GNB4: variants seen among roughly 807,000 people sequenced by gnomAD.
GNB4 encodes guanine nucleotide-binding protein subunit beta-4.
GNB4 carries 28 observed loss-of-function variants against 45.2 expected under a neutral mutation model. The ratio of observed to expected loss-of-function variants is 0.62; its 90% CI spans 0.46 to 0.85. The LOEUF (loss-of-function observed/expected upper bound fraction) is 0.85. GNB4 is among the 40% of genes least tolerant of loss of function. The pLI is 0.00. For missense variants in GNB4, 321 were observed against 425.4 expected (o/e 0.75, Z 2.16); for synonymous variants, 132 against 143.7 (o/e 0.92, Z 0.58).
chr3:179,419,435 G>C lies in GNB4; in HGVS notation c.167C>G (p.Ala56Gly), dbSNP rs1307106150. 2.5e-6 allele frequency: 4 copies of C among 1,612,288 alleles called. No homozygotes were observed. The highest frequency in any genetic ancestry group is 1.3e-5 in the African/African-American group (1 of 74,880). The change falls in exon 4 of 10, where the codon GCT (alanine) becomes GGT (glycine). Residue 56 changes from alanine to glycine, a missense_variant. Coordinates refer to ENST00000232564, the MANE Select transcript of GNB4 (RefSeq NM_021629.4). Reference protein sequence around the residue: ...RTRRTLRGHLAKIYAMHWGYD... With the variant: ...RTRRTLRGHLGKIYAMHWGYD... ...TCCCCAATGCATAGCATAGATTTTAGCTAGGTGGCCCCTCAGTGTACGTCT... is the reference window on the plus strand; with the variant it reads ...TCCCCAATGCATAGCATAGATTTTACCTAGGTGGCCCCTCAGTGTACGTCT...
intron 8 of GNB4, among the ~76,000 whole-genome samples, chr3:179,406,855 T>C (rs1714486151): frequency 6.6e-6 from 1 of 152,140 alleles, no homozygotes; most frequent in Non-Finnish European, 1.5e-5. Context: ...CCTCAAGTGA[T>C]CTGCCTGCCT....
chr3:179,420,538 C>T (rs1473625311), intron 3 of GNB4, among the ~76,000 whole-genome samples: 2 of 151,512 alleles, frequency 1.3e-5, no homozygotes, highest in East Asian at 3.9e-4. Context: ...TCTCAGCTCA[C>T]TGCAACCTCT....
chr3:179,414,025 C>G (rs1279289558), intron 6 of GNB4, among the ~76,000 whole-genome samples: 1 of 151,864 alleles, frequency 6.6e-6, no homozygotes, highest in African/African-American at 2.4e-5. Flanking sequence ...TGAAAGTTAC[C>G]AAATTGAATA....
rs1427654963 is a variant in GNB4, at chr3:179,415,008, A to C, written c.307T>G (p.Cys103Gly). The change falls in exon 6 of 10, where the codon TGT (cysteine) becomes GGT (glycine). Residue 103 changes from cysteine to glycine, a missense_variant. Coordinates refer to ENST00000232564, the MANE Select transcript of GNB4 (RefSeq NM_021629.4). ...TAATTACCAGAGGGAGCATAAGCACAGGTCATCACCCAGGAGGACCTCAAA... is the reference window on the plus strand; with the variant it reads ...TAATTACCAGAGGGAGCATAAGCACCGGTCATCACCCAGGAGGACCTCAAA... ...IPLRSSWVMT[C>G]AYAPSGNYVA... 1 of 1,609,874 alleles carries C rather than the reference A, an allele frequency of 6.2e-7. No individual in the cohort carries two copies. Among genetic ancestry groups the C allele is most frequent in the East Asian group, 2.2e-5 (1 of 44,862 alleles).
At chr3:179,475,887 C>T in the GNB4 span, among the ~76,000 whole-genome samples, 1 of 152,124 alleles carries the variant, frequency 6.6e-6, no homozygotes, top group Non-Finnish European at 1.5e-5. Context: ...GTTACTTGTC[C>T]CACCTCTTAA....
At chr3:179,519,251 G>C in the GNB4 span, among the ~76,000 whole-genome samples, 1 of 152,184 alleles carries the variant, frequency 6.6e-6, no homozygotes, top group Non-Finnish European at 1.5e-5. Context: ...CAACTCACCC[G>C]GTAGCCACTT....
At chr3:179,520,407 A>G in the GNB4 span, among the ~76,000 whole-genome samples, 2 of 151,224 alleles carry the variant, frequency 1.3e-5, no homozygotes, top group African/African-American at 2.4e-5. Context: ...TGGTTAGTGC[A>G]GTCAGAATTC....
At chr3:179,522,295 C>T in the GNB4 span, among the ~76,000 whole-genome samples, 2 of 152,130 alleles carry the variant, frequency 1.3e-5, no homozygotes, top group African/African-American at 2.4e-5. Flanking sequence ...CCGCCCCTGC[C>T]CACCAGAGAA....
intron 9 of GNB4, 77 bp downstream of exon 9, chr3:179,405,113 G>C (rs1395745010): frequency 2.0e-6 from 2 of 998,948 alleles, no homozygotes; most frequent in Non-Finnish European, 3.0e-6. Context: ...GATGTCCATG[G>C]AGGCCTAGAA....
chr3:179,503,201 A>G, the GNB4 span, among the ~76,000 whole-genome samples: 243 of 152,380 alleles, frequency 1.6e-3, 1 homozygote, highest in Non-Finnish European at 2.9e-3. Context: ...ACCCATAAAT[A>G]TTGAACAAAG....
the GNB4 span, among the ~76,000 whole-genome samples, chr3:179,470,185 A>T: frequency 1.3e-5 from 2 of 152,240 alleles, no homozygotes; most frequent in Non-Finnish European, 2.9e-5. Context: ...TTGCTACACT[A>T]TACTTTTTAT....
At chr3:179,509,312 A>G in the GNB4 span, among the ~76,000 whole-genome samples, 2 of 152,102 alleles carry the variant, frequency 1.3e-5, no homozygotes, top group African/African-American at 4.8e-5. Flanking sequence ...TTTAACCCAA[A>G]GAGATTAATT....
Position 179,406,900 on chromosome 3 carries a change from CCACAGCG to C in GNB4, c.700-1501_700-1495del, listed in dbSNP as rs1448811563. On this transcript the variant is annotated intron_variant, in intron 8 of 9. Coordinates refer to ENST00000232564, the MANE Select transcript of GNB4 (RefSeq NM_021629.4). ...AAAGTACTGAGATTACGGGCATAAG[CCACAGCG>C]CCTGGCCCCTCTTTTAATTACTTTT... Among the ~76,000 whole-genome samples, 86 of 152,270 alleles carry C rather than the reference CCACAGCG, an allele frequency of 5.6e-4. 1 individual carries two copies. Among genetic ancestry groups the C allele is most frequent in the African/African-American group, 1.9e-3 (79 of 41,558 alleles).
chr3:179,523,826 G>A, the GNB4 span, among the ~76,000 whole-genome samples: 1 of 152,222 alleles, frequency 6.6e-6, no homozygotes, highest in East Asian at 1.9e-4. Context: ...TTGAACTAGG[G>A]AAAAGGGCGG....
chr3:179,522,282 C>A, the GNB4 span, among the ~76,000 whole-genome samples: 4 of 152,060 alleles, frequency 2.6e-5, no homozygotes, highest in Non-Finnish European at 4.4e-5. Flanking sequence ...ACCTTGTGAA[C>A]CCCCGCCCCT....
At chr3:179,453,784 C>G (rs536807042), upstream of GNB4, among the ~76,000 whole-genome samples, 9 of 151,984 alleles carry the variant, frequency 5.9e-5, no homozygotes, top group East Asian at 1.7e-3. Context: ...TAATTATTAT[C>G]CAAACGAATC....
chr3:179,428,646 G>A (rs775424914), intron 1 of GNB4, among the ~76,000 whole-genome samples: 2 of 152,066 alleles, frequency 1.3e-5, no homozygotes, highest in African/African-American at 2.4e-5. Context: ...AAAGGGCCTC[G>A]GGACTTTTTA....
the GNB4 span, among the ~76,000 whole-genome samples, chr3:179,512,674 T>C: frequency 6.6e-6 from 1 of 152,240 alleles, no homozygotes; most frequent in African/African-American, 2.4e-5. Context: ...CATTCATTTC[T>C]GCTTTGTGCT....
At chr3:179,404,126 C>G (rs1235557686) in intron 9 of GNB4, among the ~76,000 whole-genome samples, 2 of 151,778 alleles carry the variant, frequency 1.3e-5, no homozygotes, top group African/African-American at 4.8e-5. Context: ...GAATATAAAC[C>G]AAAAAATTAA....
Sources: allele counts gnomAD v4.1 joint callset (sites outside exome capture counted in the v4.1 genomes callset), GRCh38; gene constraint gnomAD v4.1.1; transcripts MANE v1.5; gene names NCBI Gene and HGNC (gene_info 2026-07-23, HGNC 2026-07-21).